Variants in ARFIP1 observed in about 807,000 individuals in gnomAD.
ARFIP1 encodes the protein ARF interacting protein 1.
ARFIP1 carries 24 observed loss-of-function variants against 42.5 expected under a neutral mutation model. The ratio of observed to expected loss-of-function variants is 0.57; its 90% confidence interval spans 0.41 to 0.80. The LOEUF is 0.80. Among genes scored for constraint, ARFIP1 ranks in the 30% least tolerant of loss-of-function variants. ARFIP1 has a pLI of 0.00. For missense variants in ARFIP1, 354 were observed against 434.0 expected (o/e 0.82, Z 1.64); for synonymous variants, 141 against 153.7 (o/e 0.92, Z 0.61).
At chr4:152,834,227 C>CT (rs1051364483) in intron 2 of ARFIP1, among the ~76,000 whole-genome samples, 8 of 152,302 alleles carry the variant, frequency 5.3e-5, no homozygotes, top group Admixed American at 5.2e-4. Flanking sequence ...GGCCCCACCT[C>CT]TAACATTGGG....
chr4:152,834,945 C>T (rs1731533294), intron 2 of ARFIP1, among the ~76,000 whole-genome samples: 1 of 152,228 alleles, frequency 6.6e-6, no homozygotes, highest in African/African-American at 2.4e-5. Context: ...GCTGGCACAG[C>T]TGGGATGTGG....
At position 152,852,359 on chromosome 4, in the gene ARFIP1, G is replaced by A. The variant is rs115170501; in HGVS notation, c.94-11247G>A. Among the ~76,000 whole-genome samples, 1,122 of 152,246 alleles carry A rather than the reference G, an allele frequency of 7.4e-3. 9 individuals are homozygous for A. The highest frequency in any genetic ancestry group is 0.013 in the Non-Finnish European group (871 of 68,016). Reference sequence around the variant, plus strand: ...AAAAATTTAAGGGTTGGCCAGGCGCGGTGGCTCATGCCCGTAATCCTAGCA... The same window carrying A: ...AAAAATTTAAGGGTTGGCCAGGCGCAGTGGCTCATGCCCGTAATCCTAGCA... On this transcript the variant is annotated intron_variant, in intron 2 of 8. Coordinates refer to ENST00000353617, the MANE Select transcript of ARFIP1 (RefSeq NM_001025595.3).
intron 5 of ARFIP1, among the ~76,000 whole-genome samples, chr4:152,880,502 G>A (rs62319943): frequency 0.027 from 4,081 of 151,598 alleles, 99 homozygotes; most frequent in South Asian, 0.11. Context: ...CTTCCTTCCT[G>A]TTTCTTCTTT....
At chr4:152,838,554 G>A (rs1731833044) in intron 2 of ARFIP1, among the ~76,000 whole-genome samples, 1 of 152,048 alleles carries the variant, frequency 6.6e-6, no homozygotes, top group Admixed American at 6.6e-5. Context: ...TGTAAAAGGG[G>A]CTGAGTTCTT....
At chr4:152,823,677 T>A (rs1730570483) in intron 1 of ARFIP1, among the ~76,000 whole-genome samples, 1 of 144,760 alleles carries the variant, frequency 6.9e-6, no homozygotes, top group South Asian at 2.2e-4. Context: ...CTTGGGAGGC[T>A]GAGGCAGGAG....
intron 1 of ARFIP1, among the ~76,000 whole-genome samples, chr4:152,787,727 G>C (rs889416046): frequency 5.3e-5 from 8 of 152,306 alleles, no homozygotes; most frequent in African/African-American, 1.9e-4. Flanking sequence ...TTCAAGCTAT[G>C]TGTATAAGGT....
intron 7 of ARFIP1, chr4:152,883,416 T>C (rs1736009188): frequency 6.6e-6 from 1 of 152,172 alleles, no homozygotes; most frequent in South Asian, 2.1e-4. Flanking sequence ...CAGTTTCTAT[T>C]GAATAAATAA....
intron 3 of ARFIP1, among the ~76,000 whole-genome samples, chr4:152,868,860 T>C (rs1376272167): frequency 6.6e-6 from 1 of 152,206 alleles, no homozygotes; most frequent in Non-Finnish European, 1.5e-5. Context: ...GTGATTTCTA[T>C]ATTGAATTTA....
intron 8 of ARFIP1, among the ~76,000 whole-genome samples, chr4:152,901,548 T>C (rs1335917379): frequency 1.3e-5 from 2 of 152,222 alleles, no homozygotes; most frequent in Non-Finnish European, 2.9e-5. Flanking sequence ...CATAAGTGAG[T>C]TTGTAATGAT....
intron 5 of ARFIP1, among the ~76,000 whole-genome samples, chr4:152,880,449 C>G (rs1735741192): frequency 1.3e-5 from 2 of 151,882 alleles, no homozygotes; most frequent in East Asian, 3.9e-4. Flanking sequence ...GTAAAAGTAA[C>G]TTAGTAGTTT....
chr4:152,834,604 C>T (rs922535345), intron 2 of ARFIP1, among the ~76,000 whole-genome samples: 2 of 152,242 alleles, frequency 1.3e-5, no homozygotes, highest in Non-Finnish European at 2.9e-5. Flanking sequence ...TTACTCTGTG[C>T]TCTGCATCCT....
At chr4:152,804,452 TTATATATAA>T (rs1209498749) in intron 1 of ARFIP1, among the ~76,000 whole-genome samples, 1 of 107,230 alleles carries the variant, frequency 9.3e-6, no homozygotes, top group African/African-American at 3.5e-5. Context: ...ATTATATATA[TTATATATAA>T]TATATAATAT....
intron 1 of ARFIP1, among the ~76,000 whole-genome samples, chr4:152,793,457 G>C (rs1731252273): frequency 6.6e-6 from 1 of 151,708 alleles, no homozygotes; most frequent in Admixed American, 6.6e-5. Flanking sequence ...ATGATGTACA[G>C]TGGTCTTCCC....
rs1438234033 is a variant in ARFIP1, at chr4:152,910,426, CA to C, written c.*208del. 2.0e-6 allele frequency: 1 copy of C among 488,676 alleles called. No individual in the cohort carries two copies. The highest frequency in any genetic ancestry group is 3.7e-5 in the East Asian group (1 of 26,868). The allele number at this position is 488,676 out of a possible 1,614,324, so 30.3% of individuals were successfully genotyped here. A position where few individuals can be genotyped will look rare whatever the true frequency, so the allele number is the denominator to read the frequency against. ...GTAAACATAGTTTCTATAATCTGAA[CA>C]CAATAATTTTCCTTTTTGAGAAATC... On this transcript the variant is annotated 3_prime_UTR_variant, in exon 9 of 9. Coordinates refer to ENST00000353617, the MANE Select transcript of ARFIP1 (RefSeq NM_001025595.3).
intron 1 of ARFIP1, among the ~76,000 whole-genome samples, chr4:152,827,368 C>T (rs1049554331): frequency 2.0e-4 from 31 of 152,302 alleles, no homozygotes; most frequent in African/African-American, 6.5e-4. Context: ...TGACATCCCT[C>T]GCTAGAGTGG....
chr4:152,823,395 C>G (rs533333821), intron 1 of ARFIP1, among the ~76,000 whole-genome samples: 45 of 152,098 alleles, frequency 3.0e-4, no homozygotes, highest in Non-Finnish European at 5.4e-4. Context: ...GAGATTGATT[C>G]AGTAATTTAA....
At chr4:152,907,072 T>G (rs1738422161) in intron 8 of ARFIP1, among the ~76,000 whole-genome samples, 3 of 152,216 alleles carry the variant, frequency 2.0e-5, no homozygotes, top group Admixed American at 2.0e-4. Context: ...TAACATACTA[T>G]ATATGTTAGA....
chr4:152,794,507 A>G (rs190426004), intron 1 of ARFIP1, among the ~76,000 whole-genome samples: 7 of 152,274 alleles, frequency 4.6e-5, no homozygotes, highest in African/African-American at 1.7e-4. Context: ...ACTTATGATT[A>G]CTTGATCACT....
intron 8 of ARFIP1, among the ~76,000 whole-genome samples, chr4:152,905,390 T>C (rs1366319009): frequency 6.6e-6 from 1 of 152,050 alleles, no homozygotes; most frequent in African/African-American, 2.4e-5. Flanking sequence ...TTCTAGTGTA[T>C]GTGTAGTGGT....
Sources: allele counts gnomAD v4.1 joint callset (sites outside exome capture counted in the v4.1 genomes callset), GRCh38; gene constraint gnomAD v4.1.1; transcripts MANE v1.5; gene names NCBI Gene and HGNC (gene_info 2026-07-23, HGNC 2026-07-21).